AGAP1: variants seen among roughly 807,000 people sequenced by gnomAD.
AGAP1 encodes the protein ArfGAP with GTPase domain, ankyrin repeat and PH domain 1.
Under a neutral mutation model 105.3 loss-of-function variants are expected in AGAP1, and 29 were observed. The ratio of observed to expected loss-of-function variants is 0.28; its 90% confidence interval spans 0.21 to 0.38. The LOEUF (loss-of-function observed/expected upper bound fraction) is 0.38. AGAP1 is among the 10% of genes least tolerant of loss of function. The pLI, the probability that AGAP1 is intolerant of heterozygous loss-of-function variation, is 1.00. For missense variants in AGAP1, 998 were observed against 1,165.1 expected (o/e 0.86, Z 2.09); for synonymous variants, 509 against 485.9 (o/e 1.05, Z -0.63).
chr2:235,717,712 A>G, intron 3 of AGAP1, 68 bp downstream of exon 3: 4 of 1,340,640 alleles, frequency 3.0e-6, no homozygotes, highest in Non-Finnish European at 4.2e-6. Context: ...TTAGCATATT[A>G]TAAATCATGA....
At position 235,788,123 on chromosome 2, in the gene AGAP1, G is replaced by C. The variant is rs551515512; in HGVS notation, c.674-9636G>C. Among the ~76,000 whole-genome samples the C allele has an allele frequency of 4.6e-5, 7 of 152,288 alleles. No homozygotes were observed. The highest frequency in any genetic ancestry group is 1.0e-4 in the Non-Finnish European group (7 of 68,018). On this transcript the variant is annotated intron_variant, in intron 6 of 17. Transcript: ENST00000304032. This position sits in a 1 kb window ranked among gnomAD's most constrained non-coding sequence, Gnocchi z 6.0. ...CTGATGGGTAGGACTTACTTGAGTAGGGCAGGAGGTTTTGAAAGGACATGA... is the reference window on the plus strand; with the variant it reads ...CTGATGGGTAGGACTTACTTGAGTACGGCAGGAGGTTTTGAAAGGACATGA...
At chr2:235,510,657 C>T (rs1030077119) in intron 1 of AGAP1, among the ~76,000 whole-genome samples, 4 of 152,114 alleles carry the variant, frequency 2.6e-5, no homozygotes, top group Admixed American at 6.6e-5. Flanking sequence ...ACTCTCCCGC[C>T]GGCAGTGTGA....
rs1445512900 is a variant in AGAP1, at chr2:235,582,107, T to C, written c.163+87258T>C. On this transcript the variant is annotated intron_variant, in intron 1 of 17. Coordinates refer to ENST00000304032, the MANE Select transcript of AGAP1 (RefSeq NM_001037131.3). The surrounding 1 kb of genome is among the most constrained non-coding windows in gnomAD (Gnocchi z 4.7). ...TGCAGCAGGCAGGAGTTGATAGTGA[T>C]GCTATGGGGCTGTCTGCTCTATACG... Among the ~76,000 whole-genome samples the C allele has an allele frequency of 6.6e-6, 1 of 152,182 alleles. No individual in the cohort carries two copies. The highest frequency in any genetic ancestry group is 1.5e-5 in the Non-Finnish European group (1 of 68,032).
rs1030782940 is a variant in AGAP1, at chr2:236,035,076, C to T, written c.1646-1485C>T. The stretch of plus-strand genomic sequence containing the variant: ...TGAGGAAGGGCCTGGGAGAGCCAGT[C>T]TAGGTGAGGTCAGTAAGCCGTGCTT... On this transcript the variant is annotated intron_variant, in intron 13 of 17. Coordinates refer to ENST00000304032, the MANE Select transcript of AGAP1 (RefSeq NM_001037131.3). This position sits in a 1 kb window ranked among gnomAD's most constrained non-coding sequence, Gnocchi z 4.2. Among the ~76,000 whole-genome samples, 1 of 152,158 alleles carries T rather than the reference C, an allele frequency of 6.6e-6. No individual in the cohort carries two copies. The highest frequency in any genetic ancestry group is 2.4e-5 in the African/African-American group (1 of 41,436).
chr2:235,854,973 G>C (rs763510088), intron 9 of AGAP1, among the ~76,000 whole-genome samples: 3 of 152,106 alleles, frequency 2.0e-5, no homozygotes, highest in Non-Finnish European at 4.4e-5. Flanking sequence ...TGAGAGGGAG[G>C]GTGCTTCAGA....
In AGAP1 at chr2:235,882,291, T is replaced by C; in HGVS notation, c.1051-1054T>C. On this transcript the variant is annotated intron_variant, in intron 9 of 17. Transcript: ENST00000304032. This position sits in a 1 kb window ranked among gnomAD's most constrained non-coding sequence, Gnocchi z 4.6. ...TGCAGCTTGTGGCTCGTGTCCATCT[T>C]GCAGGTCGCTCTTCCTCCACATCAC... 1 of 611,966 alleles carries C rather than the reference T, an allele frequency of 1.6e-6. No homozygotes were observed. The highest frequency in any genetic ancestry group is 2.8e-6 in the Non-Finnish European group (1 of 351,354). 37.9% of individuals were successfully genotyped at this position (611,966 alleles called of 1,614,324 possible). A position where few individuals can be genotyped will look rare whatever the true frequency, so the allele number is the denominator to read the frequency against.
chr2:235,667,757 G>A (rs1435509206), intron 1 of AGAP1, among the ~76,000 whole-genome samples: 1 of 151,914 alleles, frequency 6.6e-6, no homozygotes, highest in African/African-American at 2.4e-5. Flanking sequence ...TCAGGAGTTC[G>A]AGACCAGCAT....
At chr2:235,710,895 C>T (rs981169851) in intron 2 of AGAP1, among the ~76,000 whole-genome samples, 1 of 152,260 alleles carries the variant, frequency 6.6e-6, no homozygotes, top group African/African-American at 2.4e-5. Flanking sequence ...CTGTGCGGGT[C>T]GTGTTCTAAG....
At chr2:235,911,415 G>T (rs1360548920) in intron 11 of AGAP1, among the ~76,000 whole-genome samples, 1 of 152,194 alleles carries the variant, frequency 6.6e-6, no homozygotes, top group Admixed American at 6.5e-5. Flanking sequence ...TGCTGAGTTT[G>T]AATAAAGGAT....
intron 9 of AGAP1, among the ~76,000 whole-genome samples, chr2:235,826,476 TTGC>T (rs1274517883): frequency 9.2e-5 from 14 of 152,092 alleles, no homozygotes; most frequent in Admixed American, 9.2e-4. Context: ...GACAAGAGTC[TTGC>T]TGCTCTGTCA....
intron 4 of AGAP1, among the ~76,000 whole-genome samples, chr2:235,743,864 G>A (rs567352446): frequency 5.3e-5 from 8 of 152,344 alleles, no homozygotes; most frequent in African/African-American, 1.7e-4. Context: ...GTGCTGCGCT[G>A]GTTGCAGTGA....
chr2:236,073,155 C>G lies in AGAP1; in HGVS notation c.2114+23874C>G, dbSNP rs2058549505. ...GGATTACAGGCGCACGCCACCACGC[C>G]TGGCTAATTTTTGTATTTTTTAGTA... On this transcript the variant is annotated intron_variant, in intron 16 of 17. Transcript: ENST00000304032. The surrounding 1 kb of genome is among the most constrained non-coding windows in gnomAD (Gnocchi z 5.4). Among the ~76,000 whole-genome samples the G allele has an allele frequency of 6.6e-6, 1 of 152,096 alleles. No individual in the cohort carries two copies. The highest frequency in any genetic ancestry group is 2.1e-4 in the South Asian group (1 of 4,830).
rs1300365412 is a variant in AGAP1 at position 236,130,128 on chromosome 2, C to T, written c.*6006C>T. 6.6e-6 allele frequency: 1 copy of T among 152,250 alleles called. No homozygotes were observed. Among genetic ancestry groups the T allele is most frequent in the East Asian group, 1.9e-4 (1 of 5,184 alleles). 9.4% of individuals were successfully genotyped at this position (152,250 alleles called of 1,614,324 possible). Reference sequence around the variant, plus strand: ...TCAGGCCTAAGGCTGCTAGGTGAGACCAGCAGGCAGCTGTGGCATCCGACC... The same window carrying T: ...TCAGGCCTAAGGCTGCTAGGTGAGATCAGCAGGCAGCTGTGGCATCCGACC... On this transcript the variant is annotated 3_prime_UTR_variant, in exon 18 of 18. Coordinates refer to ENST00000304032, the MANE Select transcript of AGAP1 (RefSeq NM_001037131.3). This position sits in a 1 kb window ranked among gnomAD's most constrained non-coding sequence, Gnocchi z 5.8.
chr2:235,727,013 C>T (rs1290610879), intron 3 of AGAP1, among the ~76,000 whole-genome samples: 1 of 152,086 alleles, frequency 6.6e-6, no homozygotes, highest in Non-Finnish European at 1.5e-5. Context: ...TGGTTTCGGT[C>T]CTTAGTGCTC....
At position 235,551,203 on chromosome 2, in the gene AGAP1, C is replaced by T. The variant is rs138687329; in HGVS notation, c.163+56354C>T. 1.0e-3 allele frequency among the ~76,000 whole-genome samples: 158 copies of T among 152,262 alleles called. 2 individuals are homozygous for T. The East Asian group carries it at 0.027, about 26-fold the overall frequency. On this transcript the variant is annotated intron_variant, in intron 1 of 17. Transcript: ENST00000304032. The surrounding 1 kb of genome is among the most constrained non-coding windows in gnomAD (Gnocchi z 4.8). The stretch of plus-strand genomic sequence containing the variant: ...TGATGTCATCTGAGGTGGGGCCACC[C>T]GGGAAAGGTCTTCATGTCTCACTTG...
intron 1 of AGAP1, among the ~76,000 whole-genome samples, chr2:235,514,226 A>G (rs1942282981): frequency 6.6e-6 from 1 of 152,246 alleles, no homozygotes; most frequent in Admixed American, 6.5e-5. Flanking sequence ...TTCATGTTTG[A>G]CAGCTGGGTT....
At chr2:235,666,309 C>T (rs961199681) in intron 1 of AGAP1, among the ~76,000 whole-genome samples, 6 of 151,960 alleles carry the variant, frequency 3.9e-5, no homozygotes, top group Non-Finnish European at 5.9e-5. Context: ...AGCATAATGC[C>T]ACCTGAACAT....
At position 235,663,880 on chromosome 2, in the gene AGAP1, T is replaced by TG. The variant is rs1948042913; in HGVS notation, c.164-45298dup. 6.6e-6 allele frequency among the ~76,000 whole-genome samples: 1 copy of TG among 152,202 alleles called. No homozygotes were observed. The highest frequency in any genetic ancestry group is 6.5e-5 in the Admixed American group (1 of 15,274). On this transcript the variant is annotated intron_variant, in intron 1 of 17. Coordinates refer to ENST00000304032, the MANE Select transcript of AGAP1 (RefSeq NM_001037131.3). The surrounding 1 kb of genome is among the most constrained non-coding windows in gnomAD (Gnocchi z 5.4). ...AGAGGAAAATGTTACCAAATAGGCCTGTTCCCCTGTGCACCCAATACTAGG... is the reference window on the plus strand; with the variant it reads ...AGAGGAAAATGTTACCAAATAGGCCTGGTTCCCCTGTGCACCCAATACTAGG...
intron 1 of AGAP1, among the ~76,000 whole-genome samples, chr2:235,617,263 A>G (rs1387343682): frequency 1.3e-5 from 2 of 152,238 alleles, no homozygotes; most frequent in Non-Finnish European, 2.9e-5. Flanking sequence ...AGATTTTGTT[A>G]ATGTTCAAAG....
Sources: allele counts gnomAD v4.1 joint callset (sites outside exome capture counted in the v4.1 genomes callset), GRCh38; gene constraint gnomAD v4.1.1; non-coding constraint Gnocchi (gnomAD v3.1); transcripts MANE v1.5; gene names NCBI Gene and HGNC (gene_info 2026-07-23, HGNC 2026-07-21).